CERS3: variants seen among roughly 807,000 people sequenced by gnomAD.
CERS3 encodes the protein ceramide synthase 3.
CERS3 carries 33 observed loss-of-function variants against 50.3 expected under a neutral mutation model. That is an observed-to-expected ratio of 0.66 (90% CI 0.50 to 0.88). The LOEUF (loss-of-function observed/expected upper bound fraction) is 0.88. CERS3 is among the 40% of genes least tolerant of loss of function. The pLI, the probability that CERS3 is intolerant of heterozygous loss-of-function variation, is 0.00. For missense variants in CERS3, 470 were observed against 460.3 expected (o/e 1.02, Z -0.19); for synonymous variants, 176 against 155.2 (o/e 1.13, Z -0.99).
At chr15:100,431,566 G>A (rs994609176) in intron 11 of CERS3, among the ~76,000 whole-genome samples, 4 of 152,160 alleles carry the variant, frequency 2.6e-5, no homozygotes, top group African/African-American at 7.2e-5. Flanking sequence ...CAAATGTAGG[G>A]AAGAGTATAG....
chr15:100,405,239 A>G (rs2030906127), intron 11 of CERS3, among the ~76,000 whole-genome samples: 1 of 53,908 alleles, frequency 1.9e-5, no homozygotes, highest in East Asian at 6.0e-4. Flanking sequence ...ATGGTAAAAA[A>G]AAAAAAAAAC....
At chr15:100,467,848 T>TAGAG (rs1567640073) in intron 10 of CERS3, among the ~76,000 whole-genome samples, 1 of 81,002 alleles carries the variant, frequency 1.2e-5, no homozygotes, top group South Asian at 4.2e-4. Context: ...TATATATATA[T>TAGAG]ATATAGATAG....
intron 11 of CERS3, among the ~76,000 whole-genome samples, chr15:100,428,142 AT>A (rs1180267923): frequency 6.6e-6 from 1 of 152,232 alleles, no homozygotes; most frequent in Non-Finnish European, 1.5e-5. Context: ...TTCTCCATCC[AT>A]CAAAACTTTT....
Position 100,400,776 on chromosome 15 carries a change from A to G in CERS3, c.*1937T>C, listed in dbSNP as rs1396675640. ...AGCATACCGTTAACTGAAAACATAA[A>G]AAATTATATCTTAGTGTGACCTTCT... On this transcript the variant is annotated 3_prime_UTR_variant, in exon 12 of 12. Coordinates refer to ENST00000679737, the MANE Select transcript of CERS3 (RefSeq NM_001378789.1). 1 of 152,102 alleles carries G rather than the reference A, an allele frequency of 6.6e-6. No individual in the cohort carries two copies. Among genetic ancestry groups the G allele is most frequent in the Non-Finnish European group, 1.5e-5 (1 of 68,018 alleles). 9.4% of individuals were successfully genotyped at this position (152,102 alleles called of 1,614,324 possible).
Position 100,516,062 on chromosome 15 carries a change from G to C in CERS3, c.-2+5605C>G, listed in dbSNP as rs527759518. The stretch of plus-strand genomic sequence containing the variant: ...ACAAAGGGCCTAAGGTTAGTCACCT[G>C]GTTCTGTCTCAGTTTTCCCATTTGA... On this transcript the variant is annotated intron_variant, in intron 2 of 11. Transcript: ENST00000679737. Among the ~76,000 whole-genome samples, 88 of 152,250 alleles carry C rather than the reference G, an allele frequency of 5.8e-4. No individual in the cohort carries two copies. The Middle Eastern group carries it at 0.014, about 24-fold the overall frequency.
intron 11 of CERS3, among the ~76,000 whole-genome samples, chr15:100,451,405 A>T (rs1024131469): frequency 2.6e-5 from 4 of 152,044 alleles, no homozygotes; most frequent in Non-Finnish European, 1.5e-5. Flanking sequence ...TTCACCTGTG[A>T]AAACACATAT....
chr15:100,473,148 A>T, intron 8 of CERS3, 96 bp from the exon 9 acceptor site: 1 of 1,284,620 alleles, frequency 7.8e-7, no homozygotes, highest in Non-Finnish European at 1.1e-6. Flanking sequence ...CCAATAACTT[A>T]CATCTGCATG....
At chr15:100,442,805 G>A (rs2142157248) in intron 11 of CERS3, among the ~76,000 whole-genome samples, 1 of 152,332 alleles carries the variant, frequency 6.6e-6, no homozygotes, top group South Asian at 2.1e-4. Flanking sequence ...GACCATCACG[G>A]ACGCCGAGCT....
chr15:100,412,429 G>A (rs963521917), intron 11 of CERS3, among the ~76,000 whole-genome samples: 8 of 152,016 alleles, frequency 5.3e-5, no homozygotes, highest in African/African-American at 7.2e-5. Flanking sequence ...TCTTTATGCC[G>A]GTACCACACT....
At chr15:100,528,513 A>T (rs1596818244) in intron 1 of CERS3, among the ~76,000 whole-genome samples, 1 of 152,198 alleles carries the variant, frequency 6.6e-6, no homozygotes, top group Non-Finnish European at 1.5e-5. Context: ...AACTCGCCCG[A>T]GAGCAATGCA....
At chr15:100,431,468 G>A (rs978280472) in intron 11 of CERS3, among the ~76,000 whole-genome samples, 5 of 151,612 alleles carry the variant, frequency 3.3e-5, no homozygotes, top group African/African-American at 1.2e-4. Flanking sequence ...TTCTTTTAGT[G>A]CAGAACATCA....
rs34838004 is a variant in CERS3, at chr15:100,433,592, G to A, written c.999+22301C>T. Among the ~76,000 whole-genome samples the A allele has an allele frequency of 7.1e-3, 1,085 of 152,252 alleles. 15 individuals are homozygous for A. Among genetic ancestry groups the A allele is most frequent in the African/African-American group, 0.025 (1,024 of 41,546 alleles). The stretch of plus-strand genomic sequence containing the variant: ...TAGAGCTCTCTGTAGGGTTGGTGGA[G>A]GCCTTGGTTGCACCCACATCAGAGT... On this transcript the variant is annotated intron_variant, in intron 11 of 11. Transcript: ENST00000679737.
chr15:100,442,933 G>A (rs919867343), intron 11 of CERS3, among the ~76,000 whole-genome samples: 2,294 of 140,666 alleles, frequency 0.016, no homozygotes, highest in African/African-American at 0.069. Context: ...TAACTGTTGT[G>A]GGTATTGACG....
rs115237165 is a variant in CERS3, at chr15:100,454,914, A to G, written c.999+979T>C. On this transcript the variant is annotated intron_variant, in intron 11 of 11. Coordinates refer to ENST00000679737, the MANE Select transcript of CERS3 (RefSeq NM_001378789.1). ...AATAATAATGATAATTCCATTAAAAAGGGGCAAAGGACATGAATAAATATT... is the reference window on the plus strand; with the variant it reads ...AATAATAATGATAATTCCATTAAAAGGGGGCAAAGGACATGAATAAATATT... Among the ~76,000 whole-genome samples the G allele has an allele frequency of 8.7e-3, 1,330 of 152,326 alleles. 19 individuals are homozygous for G. The highest frequency in any genetic ancestry group is 0.03 in the African/African-American group (1,256 of 41,578).
At chr15:100,515,001 T>C (rs1265713431) in intron 2 of CERS3, among the ~76,000 whole-genome samples, 1 of 152,102 alleles carries the variant, frequency 6.6e-6, no homozygotes, top group African/African-American at 2.4e-5. Context: ...AGAAACTGAG[T>C]CCCAGGGAAA....
intron 2 of CERS3, among the ~76,000 whole-genome samples, chr15:100,516,496 T>G (rs541499325): frequency 1.6e-4 from 24 of 152,342 alleles, no homozygotes; most frequent in Admixed American, 1.5e-3. Context: ...ACAGACATAC[T>G]TGAACACTGT....
At position 100,462,085 on chromosome 15, in the gene CERS3, C is replaced by T. The variant is rs370771164; in HGVS notation, c.846-6039G>A. 1.6e-4 allele frequency among the ~76,000 whole-genome samples: 24 copies of T among 152,284 alleles called. No homozygotes were observed. The South Asian group carries it at 4.6e-3, about 29-fold the overall frequency. On this transcript the variant is annotated intron_variant, in intron 10 of 11. Coordinates refer to ENST00000679737, the MANE Select transcript of CERS3 (RefSeq NM_001378789.1). ...AGAACACACAACACTTGCACATTAT[C>T]GCTAGTCACCACCTTACAGCAACTG... is the stretch of plus-strand genomic sequence containing the variant.
chr15:100,484,192 C>A lies in CERS3; in HGVS notation c.407+358G>T, dbSNP rs539169726. Reference sequence around the variant, plus strand: ...GTGATAAAGTCTGGTGACTTAGGGCCAACCCTGACCCTAAGAAAAGAGAAA... The same window carrying A: ...GTGATAAAGTCTGGTGACTTAGGGCAAACCCTGACCCTAAGAAAAGAGAAA... On this transcript the variant is annotated intron_variant, in intron 5 of 11. Coordinates refer to ENST00000679737, the MANE Select transcript of CERS3 (RefSeq NM_001378789.1). Among the ~76,000 whole-genome samples the A allele has an allele frequency of 4.6e-5, 7 of 152,174 alleles. No individual in the cohort carries two copies. The East Asian group carries it at 1.2e-3, about 25-fold the overall frequency.
chr15:100,537,027 A>G (rs892753166), intron 1 of CERS3, among the ~76,000 whole-genome samples: 6 of 152,206 alleles, frequency 3.9e-5, no homozygotes, highest in African/African-American at 1.4e-4. Flanking sequence ...GGAGATTATG[A>G]CCTAGCTTTT....
Sources: gnomAD v4.1 joint callset for allele counts (sites outside exome capture counted in the v4.1 genomes callset) on GRCh38, gnomAD v4.1.1 for gene constraint, MANE v1.5 for transcripts, NCBI Gene and HGNC (gene_info 2026-07-23, HGNC 2026-07-21) for gene names.